ZFPM2: variants seen among roughly 807,000 people sequenced by gnomAD.
ZFPM2 encodes zinc finger protein ZFPM2.
Under a neutral mutation model 98.6 loss-of-function variants are expected in ZFPM2, and 20 were observed. The observed-to-expected ratio is 0.20, with a 90% CI of 0.14 to 0.29. The LOEUF is 0.29. ZFPM2 is among the 10% of genes least tolerant of loss of function. ZFPM2 has a pLI of 1.00. For synonymous variants in ZFPM2, 518 were observed against 502.7 expected (o/e 1.03, Z -0.41); for missense variants, 1,310 against 1,388.6 (o/e 0.94, Z 0.90).
chr8:105,702,917 C>CA (rs1035723161), intron 5 of ZFPM2, among the ~76,000 whole-genome samples: 18 of 152,164 alleles, frequency 1.2e-4, no homozygotes, highest in African/African-American at 4.3e-4. Flanking sequence ...AGGCAGGACT[C>CA]ACAGAAAACT....
chr8:105,336,280 T>C (rs1446132690), intron 1 of ZFPM2, among the ~76,000 whole-genome samples: 1 of 151,708 alleles, frequency 6.6e-6, no homozygotes, highest in Non-Finnish European at 1.5e-5. Context: ...TAAGGGCTGT[T>C]GAGAGGATTC....
At chr8:105,413,426 T>C (rs2130048949) in intron 1 of ZFPM2, among the ~76,000 whole-genome samples, 1 of 150,836 alleles carries the variant, frequency 6.6e-6, no homozygotes, top group African/African-American at 2.4e-5. Flanking sequence ...ATGTATATTT[T>C]GAAAGGTAGC....
At chr8:105,677,216 C>CT (rs554980645) in intron 5 of ZFPM2, among the ~76,000 whole-genome samples, 39,442 of 147,626 alleles carry the variant, frequency 0.27, 6,121 homozygotes, top group African/African-American at 0.45. Context: ...GAAATCATGT[C>CT]TTTTTTTTTT....
intron 7 of ZFPM2, among the ~76,000 whole-genome samples, chr8:105,800,196 T>A (rs1813959823): frequency 6.6e-6 from 1 of 152,218 alleles, no homozygotes; most frequent in Non-Finnish European, 1.5e-5. Context: ...TGCCATGTTT[T>A]CAGCTTATGA....
At chr8:105,502,420 G>T (rs113859429) in intron 3 of ZFPM2, among the ~76,000 whole-genome samples, 43 of 152,130 alleles carry the variant, frequency 2.8e-4, no homozygotes, top group African/African-American at 9.9e-4. Flanking sequence ...ATACATGGGA[G>T]AACTTAAGGA....
intron 3 of ZFPM2, among the ~76,000 whole-genome samples, chr8:105,546,729 C>T (rs759168313): frequency 6.6e-5 from 10 of 152,044 alleles, no homozygotes; most frequent in African/African-American, 1.2e-4. Context: ...ATTGATTCCA[C>T]GGCAAGTAGC....
chr8:105,488,360 C>T (rs1341471036), intron 3 of ZFPM2, among the ~76,000 whole-genome samples: 2 of 152,146 alleles, frequency 1.3e-5, no homozygotes, highest in Non-Finnish European at 2.9e-5. Context: ...CATTCAGTGG[C>T]TGCTTGTTAG....
intron 1 of ZFPM2, among the ~76,000 whole-genome samples, chr8:105,319,906 G>A (rs1042615430): frequency 6.6e-6 from 1 of 152,154 alleles, no homozygotes; most frequent in Non-Finnish European, 1.5e-5. Flanking sequence ...AACTTTTCTT[G>A]GCTTGGGGAG....
At chr8:105,763,846 A>G (rs1028104749) in intron 5 of ZFPM2, among the ~76,000 whole-genome samples, 5 of 151,816 alleles carry the variant, frequency 3.3e-5, no homozygotes, top group African/African-American at 1.2e-4. Context: ...AGGGTTTGGA[A>G]GCTGTTTTTC....
chr8:105,415,671 T>C (rs1811667016), intron 1 of ZFPM2, among the ~76,000 whole-genome samples: 1 of 152,064 alleles, frequency 6.6e-6, no homozygotes, highest in African/African-American at 2.4e-5. Context: ...TGGCCACCGA[T>C]TATCTGTAAG....
chr8:105,572,502 T>C (rs947068910), intron 4 of ZFPM2, among the ~76,000 whole-genome samples: 6 of 150,694 alleles, frequency 4.0e-5, no homozygotes, highest in Admixed American at 3.3e-4. Context: ...AGTTTTGCTG[T>C]TGTTCCCCAG....
At chr8:105,435,562 T>G (rs1475514395) in intron 2 of ZFPM2, among the ~76,000 whole-genome samples, 1 of 152,200 alleles carries the variant, frequency 6.6e-6, no homozygotes, top group African/African-American at 2.4e-5. Context: ...AAGCAGTATC[T>G]TAACAAACTT....
At chr8:105,747,129 T>C (rs1366181453) in intron 5 of ZFPM2, among the ~76,000 whole-genome samples, 1 of 152,094 alleles carries the variant, frequency 6.6e-6, no homozygotes, top group African/African-American at 2.4e-5. Flanking sequence ...GCAATACTAA[T>C]AAAAACTTCT....
intron 5 of ZFPM2, among the ~76,000 whole-genome samples, chr8:105,646,051 GAAAAAAA>G (rs33913136): frequency 3.0e-5 from 4 of 133,204 alleles, no homozygotes; most frequent in Non-Finnish European, 6.3e-5. Flanking sequence ...ACTCCATCTG[GAAAAAAA>G]AAAAAAAAAA....
intron 3 of ZFPM2, among the ~76,000 whole-genome samples, chr8:105,495,796 C>T (rs1360210839): frequency 6.6e-6 from 1 of 152,172 alleles, no homozygotes; most frequent in Middle Eastern, 3.2e-3. Flanking sequence ...GTTATTCTTA[C>T]TCTTGAAAAC....
intron 5 of ZFPM2, among the ~76,000 whole-genome samples, chr8:105,729,665 A>C (rs900423125): frequency 1.3e-5 from 2 of 151,612 alleles, no homozygotes; most frequent in Non-Finnish European, 2.9e-5. Context: ...ACTTTCAACT[A>C]TTGGCCTTAT....
At chr8:105,346,397 A>T (rs998722881) in intron 1 of ZFPM2, among the ~76,000 whole-genome samples, 6 of 149,310 alleles carry the variant, frequency 4.0e-5, no homozygotes, top group East Asian at 2.0e-4. Flanking sequence ...AAAAAAAAAA[A>T]AATAAATAAA....
At chr8:105,428,028 G>A (rs1006079654) in intron 2 of ZFPM2, among the ~76,000 whole-genome samples, 4 of 152,152 alleles carry the variant, frequency 2.6e-5, no homozygotes, top group African/African-American at 9.7e-5. Context: ...CTTGGCCAAA[G>A]TCAACAAAAC....
At chr8:105,354,145 T>G (rs1220774638) in intron 1 of ZFPM2, among the ~76,000 whole-genome samples, 1 of 152,224 alleles carries the variant, frequency 6.6e-6, no homozygotes, top group East Asian at 1.9e-4. Flanking sequence ...GATTAAGATA[T>G]GTTAAACGGA....
Sources: gnomAD v4.1 joint callset for allele counts (sites outside exome capture counted in the v4.1 genomes callset) on GRCh38, gnomAD v4.1.1 for gene constraint, MANE v1.5 for transcripts, NCBI Gene and HGNC (gene_info 2026-07-23, HGNC 2026-07-21) for gene names.